The following CASP8 variants were observed in gnomAD, a reference collection of about 807,000 sequenced individuals.
The protein encoded by CASP8 is caspase 8, also known as caspase-8.
In CASP8, 24 loss-of-function variants were observed where a neutral mutation model predicts 46.3. The observed-to-expected ratio is 0.52, with a 90% confidence interval of 0.38 to 0.73. CASP8 has a LOEUF of 0.73. CASP8 is among the 30% of genes least tolerant of loss of function. The pLI is 0.00. For missense variants in CASP8, 460 were observed against 559.0 expected (o/e 0.82, Z 1.79); for synonymous variants, 188 against 200.4 (o/e 0.94, Z 0.52).
chr2:201,247,095 A>G (rs1014358157), intron 2 of CASP8, among the ~76,000 whole-genome samples: 20 of 148,294 alleles, frequency 1.3e-4, no homozygotes, highest in Non-Finnish European at 2.5e-4. Flanking sequence ...GAGCTGAGGC[A>G]GGAGAATTGC....
At chr2:201,274,404 A>G (rs1333996601) in intron 5 of CASP8, among the ~76,000 whole-genome samples, 1 of 152,202 alleles carries the variant, frequency 6.6e-6, no homozygotes, top group Admixed American at 6.5e-5. Flanking sequence ...AAGCATGTTA[A>G]TTGCCCTGCT....
rs546208781 is a variant in CASP8 at position 201,245,527 on chromosome 2, C to T, written c.-27+11415C>T. Among the ~76,000 whole-genome samples, 3 of 152,346 alleles carry T rather than the reference C, an allele frequency of 2.0e-5. No individual in the cohort carries two copies. In the South Asian group the frequency reaches 6.2e-4, roughly 32 times the overall value. ...AAGTGTTGGGATTACAGGCGTGAGC[C>T]ACTGTCCCCAGCCACTGGACTTGAT... On this transcript the variant is annotated intron_variant, in intron 2 of 6. Coordinates refer to the CASP8 transcript ENST00000264274.
chr2:201,234,153 AGTG>A (rs1312848448), intron 2 of CASP8: 2 of 152,544 alleles, frequency 1.3e-5, no homozygotes, highest in East Asian at 3.9e-4. Context: ...GGGAAAGAGA[AGTG>A]GTGAACGCTA....
intron 2 of CASP8, among the ~76,000 whole-genome samples, chr2:201,243,714 A>G (rs899582683): frequency 6.6e-6 from 1 of 152,202 alleles, no homozygotes; most frequent in Non-Finnish European, 1.5e-5. Context: ...GTATTGTTCC[A>G]CCCTGTTTTG....
intron 2 of CASP8, among the ~76,000 whole-genome samples, chr2:201,244,558 G>A (rs1166886522): frequency 6.6e-6 from 1 of 151,832 alleles, no homozygotes; most frequent in Non-Finnish European, 1.5e-5. Flanking sequence ...TGGATCCTCT[G>A]ATGACTAAAA....
At chr2:201,255,653 T>C (rs367597173), upstream of CASP8, among the ~76,000 whole-genome samples, 26 of 152,368 alleles carry the variant, frequency 1.7e-4, no homozygotes, top group African/African-American at 5.8e-4. Flanking sequence ...GTCAGCTAAT[T>C]GATGTTGCAT....
upstream of CASP8, among the ~76,000 whole-genome samples, chr2:201,259,318 G>A (rs932816924): frequency 7.2e-4 from 109 of 152,090 alleles, 1 homozygote; most frequent in Non-Finnish European, 8.8e-5. Context: ...GACCACAGGC[G>A]CGTGCTACCA....
intron 2 of CASP8, chr2:201,241,339 C>G (rs1946291098): frequency 6.6e-6 from 1 of 152,034 alleles, no homozygotes; most frequent in African/African-American, 2.4e-5. Flanking sequence ...AGAGAGAAGA[C>G]TCAAATAAAC....
chr2:201,281,292 T>A (rs1246025313), intron 7 of CASP8, among the ~76,000 whole-genome samples: 8 of 152,090 alleles, frequency 5.3e-5, no homozygotes, highest in Non-Finnish European at 5.9e-5. Flanking sequence ...GTAGCCTGGG[T>A]GACAGAGTGA....
chr2:201,239,162 T>C (rs1352384673), intron 2 of CASP8, among the ~76,000 whole-genome samples: 1 of 152,002 alleles, frequency 6.6e-6, no homozygotes, highest in Non-Finnish European at 1.5e-5. Flanking sequence ...CTCCCATGTC[T>C]ACCTCTCTCT....
At chr2:201,271,210 G>A (rs1207977434) in intron 2 of CASP8, among the ~76,000 whole-genome samples, 2 of 151,716 alleles carry the variant, frequency 1.3e-5, no homozygotes, top group African/African-American at 4.8e-5. Flanking sequence ...AAAGCATTTT[G>A]CTATTGCAAC....
At chr2:201,242,750 A>T (rs1946356119) in intron 2 of CASP8, 1 of 152,198 alleles carries the variant, frequency 6.6e-6, no homozygotes, top group Non-Finnish European at 1.5e-5. Flanking sequence ...ACAAAGCTAG[A>T]AGCACCATAC....
intron 2 of CASP8, among the ~76,000 whole-genome samples, chr2:201,254,093 A>G (rs1037548873): frequency 9.2e-4 from 140 of 152,064 alleles, no homozygotes; most frequent in African/African-American, 3.3e-3. Context: ...AAAAAAAAAA[A>G]AAAATTCTGG....
intron 2 of CASP8, among the ~76,000 whole-genome samples, chr2:201,252,856 G>A (rs1206411610): frequency 6.6e-6 from 1 of 152,104 alleles, no homozygotes; most frequent in African/African-American, 2.4e-5. Context: ...AATGTGTTTT[G>A]TTACTACCAC....
At position 201,266,866 on chromosome 2, in the gene CASP8, T is replaced by G. The variant is rs1286755047; in HGVS notation, c.305+75T>G. 26 of 1,128,788 alleles carry G rather than the reference T, an allele frequency of 2.3e-5. No homozygotes were observed. The highest frequency in any genetic ancestry group is 3.0e-5 in the Non-Finnish European group (24 of 789,142). The allele number at this position is 1,128,788 out of a possible 1,614,324, so 69.9% of individuals were successfully genotyped here. ...AGCCTCTGAGCTGATTGGGGCTTTT[T>G]TTTGTGGTACCCTGCCTAGTGCCTG... On this transcript the variant is annotated intron_variant, in intron 2 of 8. Transcript: ENST00000673742. This position sits in a 1 kb window ranked among gnomAD's most constrained non-coding sequence, Gnocchi z 5.7.
chr2:201,247,040 C>A (rs1275440683), intron 2 of CASP8, among the ~76,000 whole-genome samples: 2 of 151,866 alleles, frequency 1.3e-5, no homozygotes, highest in Non-Finnish European at 2.9e-5. Context: ...ACTAAAAATA[C>A]AAAAACTAGC....
chr2:201,273,058 C>CT lies in CASP8; in HGVS notation c.595+133dup, dbSNP rs397826156. ...TCTTAACGTGCCTGCTCTACTTTTT[C>CT]TTTTTTTTTTTTTTTTTGTGAGACA... On this transcript the variant is annotated intron_variant, in intron 5 of 8. Transcript: ENST00000673742. 0.36 allele frequency: 206,923 copies of CT among 582,692 alleles called. 17,029 individuals are homozygous for CT. The highest frequency in any genetic ancestry group is 0.4 in the Non-Finnish European group (137,632 of 343,976). 36.1% of individuals were successfully genotyped at this position (582,692 alleles called of 1,614,324 possible).
chr2:201,271,239 A>G lies in CASP8; in HGVS notation c.306-277A>G, dbSNP rs77464230. Among the ~76,000 whole-genome samples, 6 of 147,756 alleles carry G rather than the reference A, an allele frequency of 4.1e-5. No individual in the cohort carries two copies. In the South Asian group the frequency reaches 6.3e-4, roughly 16 times the overall value. On this transcript the variant is annotated intron_variant, in intron 2 of 8. Transcript: ENST00000673742. Reference sequence around the variant, plus strand: ...TTGCAACAAAATCTCCATTTTACAGAAAAAAAAAAAGGAAAACAAGATTTA... The same window carrying G: ...TTGCAACAAAATCTCCATTTTACAGGAAAAAAAAAAGGAAAACAAGATTTA...
chr2:201,284,276 T>C (rs1576384413), intron 7 of CASP8, among the ~76,000 whole-genome samples: 1 of 54,584 alleles, frequency 1.8e-5, no homozygotes, highest in Admixed American at 1.5e-4. Flanking sequence ...CCAGACGGCG[T>C]GGCGGCCGGG....
Sources: gnomAD v4.1 joint callset for allele counts (sites outside exome capture counted in the v4.1 genomes callset) on GRCh38, gnomAD v4.1.1 for gene constraint, Gnocchi (gnomAD v3.1) non-coding constraint, MANE v1.5 for transcripts, NCBI Gene and HGNC (gene_info 2026-07-23, HGNC 2026-07-21) for gene names.